Variants in LOC122526780 observed in about 807,000 individuals in gnomAD.
chr17:6,638,274 C>G, the LOC122526780 span: 1 of 152,758 alleles, frequency 6.5e-6, no homozygotes, highest in East Asian at 1.9e-4. Context: ...CGGGTCCCCC[C>G]GAAGCCACAG....
the LOC122526780 span, chr17:6,639,493 T>G: frequency 6.6e-6 from 1 of 152,536 alleles, no homozygotes; most frequent in Non-Finnish European, 1.5e-5. This position sits in a 1 kb window ranked among gnomAD's most constrained non-coding sequence, Gnocchi z 4.3. Context: ...CGGGGCCATT[T>G]CAGAACTTGA....
chr17:6,637,586 C>G, the LOC122526780 span: 2 of 152,892 alleles, frequency 1.3e-5, no homozygotes, highest in African/African-American at 4.8e-5. Flanking sequence ...CCCTCCCCCA[C>G]AGACCCCAGC....
the LOC122526780 span, chr17:6,639,754 A>T: frequency 6.6e-6 from 1 of 152,108 alleles, no homozygotes; most frequent in African/African-American, 2.4e-5. The surrounding 1 kb of genome is among the most constrained non-coding windows in gnomAD (Gnocchi z 4.3). Context: ...ATGGAGCTCG[A>T]CTCTACTTCC....
chr17:6,637,743 T>C, the LOC122526780 span: 1 of 152,442 alleles, frequency 6.6e-6, no homozygotes, highest in African/African-American at 2.4e-5. Flanking sequence ...CATCTGCAGG[T>C]CCGCCCACTG....
At chr17:6,638,666 G>A in the LOC122526780 span, 1 of 152,832 alleles carries the variant, frequency 6.5e-6, no homozygotes, top group Non-Finnish European at 1.5e-5. Context: ...TCCTCTCCAA[G>A]CCCAGGCACT....
chr17:6,638,853 C>T, the LOC122526780 span: 1 of 152,968 alleles, frequency 6.5e-6, no homozygotes, highest in Non-Finnish European at 1.5e-5. Context: ...TCCCCAAGGC[C>T]CTGGGTACCC....
chr17:6,640,224 C>CCG, the LOC122526780 span: 1 of 152,610 alleles, frequency 6.6e-6, no homozygotes, highest in Non-Finnish European at 1.5e-5. Flanking sequence ...CCCGCCCCGA[C>CCG]CTGCTGGGCC....
At chr17:6,640,260 C>T in the LOC122526780 span, 646 of 152,942 alleles carry the variant, frequency 4.2e-3, 4 homozygotes, top group Middle Eastern at 0.027. Context: ...GCATCTTAGC[C>T]GCCTGCTCTC....
chr17:6,637,030 C>CTG, the LOC122526780 span: 1 of 152,416 alleles, frequency 6.6e-6, no homozygotes, highest in Admixed American at 6.5e-5. Flanking sequence ...GCTCCATAAC[C>CTG]TGGCCCCAGG....
At chr17:6,638,244 C>G in the LOC122526780 span, 1 of 153,010 alleles carries the variant, frequency 6.5e-6, no homozygotes, top group Non-Finnish European at 1.5e-5. Context: ...CCCCGCCAGA[C>G]CACAGCTCCT....
the LOC122526780 span, chr17:6,637,755 C>T: frequency 6.6e-6 from 1 of 152,412 alleles, no homozygotes; most frequent in African/African-American, 2.4e-5. Context: ...CGCCCACTGT[C>T]TCTCTTTCAC....
At chr17:6,639,868 CG>C in the LOC122526780 span, 1 of 153,142 alleles carries the variant, frequency 6.5e-6, no homozygotes, top group Non-Finnish European at 1.5e-5. This position sits in a 1 kb window ranked among gnomAD's most constrained non-coding sequence, Gnocchi z 4.3. Context: ...CTCGCAGCCC[CG>C]GGGACTTCTA....
At chr17:6,637,937 C>T in the LOC122526780 span, 1 of 152,756 alleles carries the variant, frequency 6.5e-6, no homozygotes, top group African/African-American at 2.4e-5. Flanking sequence ...GAACCAGGCA[C>T]CCTAGGAGCC....
chr17:6,638,136 C>G, the LOC122526780 span: 1 of 152,894 alleles, frequency 6.5e-6, no homozygotes, highest in African/African-American at 2.4e-5. Flanking sequence ...CAGACCACAG[C>G]TTCTCCCGAG....
chr17:6,638,124 G>A, the LOC122526780 span: 2 of 148,490 alleles, frequency 1.3e-5, no homozygotes, highest in South Asian at 2.1e-4. Context: ...AATCCTCCCC[G>A]CCAGACCACA....
chr17:6,639,941 C>G, the LOC122526780 span: 1 of 153,584 alleles, frequency 6.5e-6, no homozygotes, highest in Non-Finnish European at 1.5e-5. The surrounding 1 kb of genome is among the most constrained non-coding windows in gnomAD (Gnocchi z 4.3). Context: ...CCCACCACCT[C>G]GGGCTCCCCC....
chr17:6,639,605 T>C, the LOC122526780 span: 1 of 152,822 alleles, frequency 6.5e-6, no homozygotes. The surrounding 1 kb of genome is among the most constrained non-coding windows in gnomAD (Gnocchi z 4.3). Context: ...CCCAGAGCTG[T>C]GGGCCCTGAG....
chr17:6,637,770 C>A, the LOC122526780 span: 1 of 152,416 alleles, frequency 6.6e-6, no homozygotes, highest in East Asian at 1.9e-4. Context: ...TTTCACCCCA[C>A]AATTCTGAGC....
At chr17:6,639,881 C>T in the LOC122526780 span, 3 of 153,198 alleles carry the variant, frequency 2.0e-5, no homozygotes, top group East Asian at 1.9e-4. This position sits in a 1 kb window ranked among gnomAD's most constrained non-coding sequence, Gnocchi z 4.3. Flanking sequence ...GGACTTCTAT[C>T]TTCGGTCTCC....
Sources: gnomAD v4.1 joint callset for allele counts on GRCh38, gnomAD v4.1.1 for gene constraint, Gnocchi (gnomAD v3.1) non-coding constraint, MANE v1.5 for transcripts.